The following CASP14 variants were observed in gnomAD, a reference collection of about 807,000 sequenced individuals.
The protein encoded by CASP14 is caspase-14.
A neutral mutation model predicts 28.4 loss-of-function variants in CASP14; 27 were observed. The observed-to-expected ratio is 0.95, with a 90% CI of 0.70 to 1.31. The LOEUF (loss-of-function observed/expected upper bound fraction) is 1.31, where lower values mean the gene tolerates loss of function less well. Ranked by LOEUF, CASP14 falls within the 50% of genes most tolerant of loss-of-function variation. The pLI, the probability that CASP14 is intolerant of heterozygous loss-of-function variation, is 0.00. For synonymous variants in CASP14, 115 were observed against 118.6 expected (o/e 0.97, Z 0.20); for missense variants, 323 against 312.8 (o/e 1.03, Z -0.25).
rs3181307 is a variant in CASP14 at position 15,053,211 on chromosome 19, T to G, written c.28-271T>G. On this transcript the variant is annotated intron_variant, in intron 2 of 6. Transcript: ENST00000427043. ...CAGCCTCAACTTCCCAGGCTCAAGC[T>G]ATCCTCCCACTTCAGCCTCCAAAGT... 0.48 allele frequency among the ~76,000 whole-genome samples: 73,031 copies of G among 151,746 alleles called. 17,909 individuals are homozygous for G. The highest frequency in any genetic ancestry group is 0.58 in the African/African-American group (24,013 of 41,358).
chr19:15,052,066 G>T (rs2046093481), intron 1 of CASP14, 140 bp from the exon 2 acceptor site: 2 of 569,088 alleles, frequency 3.5e-6, no homozygotes, highest in East Asian at 3.5e-5. Flanking sequence ...ATCATCTATT[G>T]CCCAGATCTG....
chr19:15,053,516 T>C lies in CASP14; in HGVS notation c.62T>C (p.Leu21Pro). 1 of 1,614,128 alleles carries C rather than the reference T, an allele frequency of 6.2e-7. No homozygotes were observed. Among genetic ancestry groups the C allele is most frequent in the Non-Finnish European group, 8.5e-7 (1 of 1,180,022 alleles). Residue 21 changes from leucine to proline, a missense_variant, in exon 3 of 7, where the codon CTA (leucine) becomes CCA (proline). By Grantham distance (98) the Leu-to-Pro change is moderately conservative (BLOSUM62 -3). Transcript: ENST00000427043. ...KYDMSGARLA[L>P]ILCVTKAREG... The stretch of plus-strand genomic sequence containing the variant: ...GATATGTCAGGTGCCCGCCTGGCCC[T>C]AATACTGTGTGTCACCAAAGCCCGG...
At chr19:15,052,810 T>A (rs1600068012) in intron 2 of CASP14, among the ~76,000 whole-genome samples, 1 of 143,098 alleles carries the variant, frequency 7.0e-6, no homozygotes, top group Admixed American at 7.0e-5. Context: ...ACACACACAC[T>A]CATTGTCTAT....
chr19:15,053,840 C>T lies in CASP14; in HGVS notation c.285C>T (p.Leu95=), dbSNP rs570233620. The part of the protein sequence containing the change: ...VLMAHGREGF[L]KGEDGEMVKL... ...TGGCTCACGGGAGGGAAGGCTTCCT[C>T]AAGGGAGAAGATGGGGAGATGGTCA... Residue 95 remains leucine (L), a synonymous_variant, in exon 4 of 7, where the codon CTC becomes CTT. Transcript: ENST00000427043. 1 of 1,614,078 alleles carries T rather than the reference C, an allele frequency of 6.2e-7. No homozygotes were observed. The highest frequency in any genetic ancestry group is 2.2e-5 in the East Asian group (1 of 44,846).
intron 1 of CASP14, 144 bp downstream of exon 1, chr19:15,049,789 G>C (rs1322968214): frequency 6.6e-6 from 1 of 150,660 alleles, no homozygotes. Flanking sequence ...GGCCAGTTTT[G>C]GCAGAATGGA....
chr19:15,050,456 A>G (rs1462800064), intron 1 of CASP14, among the ~76,000 whole-genome samples: 4 of 147,132 alleles, frequency 2.7e-5, no homozygotes, highest in Non-Finnish European at 6.0e-5. Flanking sequence ...AGATACCCAG[A>G]AAATATTTGC....
At chr19:15,052,711 T>C (rs887725707) in intron 2 of CASP14, among the ~76,000 whole-genome samples, 1 of 151,976 alleles carries the variant, frequency 6.6e-6, no homozygotes, top group Non-Finnish European at 1.5e-5. Flanking sequence ...AGTGAGGAGG[T>C]AATAGAGGAA....
rs551433179 is a variant in CASP14, at chr19:15,050,036, G to T, written c.-47+391G>T. On this transcript the variant is annotated intron_variant, in intron 1 of 6. Coordinates refer to ENST00000427043, the MANE Select transcript of CASP14 (RefSeq NM_012114.3). The stretch of plus-strand genomic sequence containing the variant: ...AGTAGGAGCAAGCAGAGCTGTGAGA[G>T]TCCAGAGAAGGAAGAGGAAAGTTCC... Among the ~76,000 whole-genome samples the T allele has an allele frequency of 7.2e-5, 11 of 152,224 alleles. No homozygotes were observed. The East Asian group carries it at 1.7e-3, about 24-fold the overall frequency.
intron 1 of CASP14, among the ~76,000 whole-genome samples, chr19:15,051,583 A>C (rs2046091234): frequency 6.6e-6 from 1 of 151,690 alleles, no homozygotes; most frequent in Non-Finnish European, 1.5e-5. Flanking sequence ...GGGAAATGCC[A>C]AGAGTATGAC....
At chr19:15,050,309 A>AGTGT (rs765633046) in intron 1 of CASP14, among the ~76,000 whole-genome samples, 8,545 of 67,784 alleles carry the variant, frequency 0.13, 626 homozygotes, top group African/African-American at 0.28. Flanking sequence ...TGTGTGTGTG[A>AGTGT]GTGTGTGTGT....
At chr19:15,053,253 G>T (rs2046099150) in intron 2 of CASP14, among the ~76,000 whole-genome samples, 1 of 152,014 alleles carries the variant, frequency 6.6e-6, no homozygotes, top group Admixed American at 6.5e-5. Context: ...GACCACAGAT[G>T]CACAGCAGCA....
chr19:15,058,149 CAG>C lies in CASP14; in HGVS notation c.*2062_*2063del, dbSNP rs1365734602. On this transcript the variant is annotated 3_prime_UTR_variant, in exon 7 of 7. Transcript: ENST00000427043. ...CACTACCTCCCACCCCTACTTTTTC[CAG>C]AAAGCCATTTCCTCTCTTTTTTCTG... is the stretch of plus-strand genomic sequence containing the variant. 6.6e-6 allele frequency: 1 copy of C among 152,156 alleles called. No homozygotes were observed. Among genetic ancestry groups the C allele is most frequent in the Non-Finnish European group, 1.5e-5 (1 of 68,050 alleles). 9.4% of individuals were successfully genotyped at this position (152,156 alleles called of 1,614,324 possible). A position where few individuals can be genotyped will look rare whatever the true frequency, so the allele number is the denominator to read the frequency against.
Position 15,057,642 on chromosome 19 carries a change from C to A in CASP14, c.*1553C>A, listed in dbSNP as rs3181312. 0.28 allele frequency: 43,155 copies of A among 151,462 alleles called. 7,006 individuals are homozygous for A. The highest frequency in any genetic ancestry group is 0.39 in the East Asian group (1,997 of 5,174). 9.4% of individuals were successfully genotyped at this position (151,462 alleles called of 1,614,324 possible). On this transcript the variant is annotated 3_prime_UTR_variant, in exon 7 of 7. Coordinates refer to ENST00000427043, the MANE Select transcript of CASP14 (RefSeq NM_012114.3). The stretch of plus-strand genomic sequence containing the variant: ...CAGTGGCTCACACCTGTATTCCCGA[C>A]TTTGAGAGTCTGAAGCGGGAGGATC...
intron 6 of CASP14, among the ~76,000 whole-genome samples, chr19:15,055,780 C>G (rs965243084): frequency 2.6e-5 from 4 of 152,158 alleles, no homozygotes; most frequent in Non-Finnish European, 5.9e-5. Flanking sequence ...TTTGGGCAAA[C>G]TGTTTTCTTT....
chr19:15,051,751 C>T (rs553962363), intron 1 of CASP14, among the ~76,000 whole-genome samples: 36 of 152,202 alleles, frequency 2.4e-4, no homozygotes, highest in African/African-American at 7.7e-4. Flanking sequence ...TTCCCCACTT[C>T]GATGACATTC....
intron 1 of CASP14, among the ~76,000 whole-genome samples, chr19:15,049,908 G>A (rs78586531): frequency 0.032 from 4,891 of 152,034 alleles, 293 homozygotes; most frequent in African/African-American, 0.11. Flanking sequence ...CCACACTGTT[G>A]GCCATGATGG....
At chr19:15,050,463 T>C (rs958029757) in intron 1 of CASP14, among the ~76,000 whole-genome samples, 9 of 142,926 alleles carry the variant, frequency 6.3e-5, no homozygotes, top group Admixed American at 5.8e-4. Context: ...CAGAAAATAT[T>C]TGCTGGGTAG....
At chr19:15,054,148 C>A (rs2046105051) in intron 4 of CASP14, among the ~76,000 whole-genome samples, 190 bp downstream of exon 4, 1 of 151,954 alleles carries the variant, frequency 6.6e-6, no homozygotes, top group Non-Finnish European at 1.5e-5. Context: ...CTATGTCAGG[C>A]TAATTTTTGT....
chr19:15,054,018 G>A, intron 4 of CASP14, 60 bp downstream of exon 4: 5 of 1,410,358 alleles, frequency 3.5e-6, no homozygotes, highest in Non-Finnish European at 4.9e-6. Flanking sequence ...TGTTTTTTGA[G>A]ACAGCACCCA....
Sources: gnomAD v4.1 joint callset for allele counts (sites outside exome capture counted in the v4.1 genomes callset) on GRCh38, gnomAD v4.1.1 for gene constraint, MANE v1.5 for transcripts, NCBI Gene and HGNC (gene_info 2026-07-23, HGNC 2026-07-21) for gene names.